Variants in DCP2 observed in about 807,000 individuals in gnomAD.
DCP2 encodes the protein decapping mRNA 2.
DCP2 carries 30 observed loss-of-function variants against 56.1 expected under a neutral mutation model. That is an observed-to-expected ratio of 0.53 (90% CI 0.40 to 0.73). DCP2 has a LOEUF of 0.73. DCP2 is among the 30% of genes least tolerant of loss of function. DCP2 has a pLI of 0.00. For synonymous variants in DCP2, 197 were observed against 163.3 expected (o/e 1.21, Z -1.57); for missense variants, 533 against 502.7 (o/e 1.06, Z -0.58).
At chr5:113,003,071 A>G (rs959722897) in intron 7 of DCP2, among the ~76,000 whole-genome samples, 1 of 152,208 alleles carries the variant, frequency 6.6e-6, no homozygotes, top group African/African-American at 2.4e-5. Context: ...AATCAGTAGC[A>G]TTCCATTTTA....
chr5:113,010,626 A>T lies in DCP2; in HGVS notation c.1048-130A>T, dbSNP rs766830190. On this transcript the variant is annotated intron_variant, in intron 9 of 10. Coordinates refer to ENST00000389063, the MANE Select transcript of DCP2 (RefSeq NM_152624.6). ...AAAATACTGGTGAGAGAATGGGATG[A>T]TGATTATATTCCTGGTTCAGTTTTT... 29 of 1,072,910 alleles carry T rather than the reference A, an allele frequency of 2.7e-5. 1 individual carries two copies. 66.5% of individuals were successfully genotyped at this position (1,072,910 alleles called of 1,614,324 possible).
chr5:112,987,386 A>G (rs893350916), intron 2 of DCP2, among the ~76,000 whole-genome samples: 6 of 152,212 alleles, frequency 3.9e-5, no homozygotes, highest in Admixed American at 2.6e-4. Flanking sequence ...TTGGAAAGTC[A>G]TATGAGGTGA....
intron 2 of DCP2, among the ~76,000 whole-genome samples, chr5:112,986,890 C>T (rs1202298433): frequency 1.3e-5 from 2 of 152,142 alleles, no homozygotes; most frequent in Non-Finnish European, 2.9e-5. Flanking sequence ...ATGGTCCCAT[C>T]TGCTCGGGAG....
At chr5:112,993,187 C>T (rs991393776) in intron 4 of DCP2, among the ~76,000 whole-genome samples, 1 of 152,204 alleles carries the variant, frequency 6.6e-6, no homozygotes, top group Admixed American at 6.5e-5. Context: ...AGGCTTTCCA[C>T]TGCCTATAGG....
rs570566903 is a variant in DCP2, at chr5:112,988,891, A to C, written c.205+2905A>C. 3.3e-5 allele frequency among the ~76,000 whole-genome samples: 5 copies of C among 152,304 alleles called. No homozygotes were observed. The East Asian group carries it at 9.6e-4, about 29-fold the overall frequency. On this transcript the variant is annotated intron_variant, in intron 2 of 10. Coordinates refer to ENST00000389063, the MANE Select transcript of DCP2 (RefSeq NM_152624.6). ...AACTTTACATACTTTAGGGTTTTGG[A>C]TAACATTTTGTGTGTGTTTGCACAT...
chr5:113,012,040 C>T (rs1376236088), intron 10 of DCP2, among the ~76,000 whole-genome samples: 1 of 152,056 alleles, frequency 6.6e-6, no homozygotes, highest in Non-Finnish European at 1.5e-5. Context: ...TTCTGGCCAC[C>T]TTGGGTGGTG....
At chr5:112,988,914 C>T (rs1231487180) in intron 2 of DCP2, among the ~76,000 whole-genome samples, 1 of 152,178 alleles carries the variant, frequency 6.6e-6, no homozygotes, top group East Asian at 1.9e-4. Context: ...TGTGTTTGCA[C>T]ATGAGTTTTA....
intron 1 of DCP2, among the ~76,000 whole-genome samples, chr5:112,981,102 G>A (rs1747983207): frequency 6.6e-6 from 1 of 151,872 alleles, no homozygotes; most frequent in Non-Finnish European, 1.5e-5. Context: ...TCCAACTCCT[G>A]GACTCAAGCT....
At chr5:112,986,961 C>G (rs562075276) in intron 2 of DCP2, among the ~76,000 whole-genome samples, 1 of 152,266 alleles carries the variant, frequency 6.6e-6, no homozygotes, top group African/African-American at 2.4e-5. Context: ...TGAGATGGCA[C>G]CACTGCACTC....
chr5:112,995,685 T>C (rs72801289), intron 4 of DCP2, among the ~76,000 whole-genome samples: 10,169 of 152,268 alleles, frequency 0.067, 464 homozygotes, highest in Non-Finnish European at 0.1. Flanking sequence ...TATAGCTGAC[T>C]AAGGAACTTT....
intron 2 of DCP2, among the ~76,000 whole-genome samples, chr5:112,988,268 G>A (rs1383712439): frequency 6.6e-6 from 1 of 150,978 alleles, no homozygotes; most frequent in Non-Finnish European, 1.5e-5. Flanking sequence ...GGATCACTAA[G>A]TCAGGAGATC....
rs949743789 is a variant in DCP2 at position 113,004,808 on chromosome 5, CT to C, written c.942+746del. On this transcript the variant is annotated intron_variant, in intron 8 of 10. Coordinates refer to ENST00000389063, the MANE Select transcript of DCP2 (RefSeq NM_152624.6). ...TTTTTAATTTCAGGTTTCAATGTTA[CT>C]TTTTTTTTTTTTTTATTTTAAAAAT... 1.1e-3 allele frequency among the ~76,000 whole-genome samples: 159 copies of C among 145,044 alleles called. 1 individual carries two copies. Among genetic ancestry groups the C allele is most frequent in the Middle Eastern group, 3.5e-3 (1 of 286 alleles).
In DCP2 at chr5:113,011,911, T is replaced by A. The variant is rs182729392; in HGVS notation, c.1099+1104T>A. On this transcript the variant is annotated intron_variant, in intron 10 of 10. Transcript: ENST00000389063. The stretch of plus-strand genomic sequence containing the variant: ...GTCTGGTATATGATAAGGATCCAGT[T>A]CTTTTGCATGTGGATATCCAGTTTT... Among the ~76,000 whole-genome samples the A allele has an allele frequency of 2.6e-5, 4 of 152,328 alleles. No homozygotes were observed. In the East Asian group the frequency reaches 7.7e-4, roughly 29 times the overall value.
chr5:113,013,026 G>C (rs1325080279), intron 10 of DCP2, among the ~76,000 whole-genome samples: 1 of 152,168 alleles, frequency 6.6e-6, no homozygotes, highest in Non-Finnish European at 1.5e-5. Context: ...CATAAAATAG[G>C]TAAAGCACAT....
chr5:113,009,094 C>T lies in DCP2; in HGVS notation c.1047+1052C>T, dbSNP rs190293281. Among the ~76,000 whole-genome samples, 849 of 152,314 alleles carry T rather than the reference C, an allele frequency of 5.6e-3. 18 individuals are homozygous for T. The highest frequency in any genetic ancestry group is 5.9e-3 in the Non-Finnish European group (402 of 68,018). On this transcript the variant is annotated intron_variant, in intron 9 of 10. Coordinates refer to ENST00000389063, the MANE Select transcript of DCP2 (RefSeq NM_152624.6). ...TCTCCAGACCTCGTGATCCACCTGC[C>T]TCTGCCTCCCAAAGTGCTGGGATTA...
chr5:112,994,163 CTTTTTTTTTTTTTTT>C (rs771514208), intron 4 of DCP2, among the ~76,000 whole-genome samples: 1 of 75,180 alleles, frequency 1.3e-5, no homozygotes, highest in African/African-American at 5.2e-5. Flanking sequence ...TTTTTTCTTT[CTTTTTTTTTTTTTTT>C]TTTTTTTTTT....
At chr5:112,987,504 G>T (rs1016177110) in intron 2 of DCP2, among the ~76,000 whole-genome samples, 3 of 151,878 alleles carry the variant, frequency 2.0e-5, no homozygotes, top group Non-Finnish European at 4.4e-5. Flanking sequence ...CCAGGCTGGA[G>T]TGTGGTGGTG....
In DCP2 at chr5:113,001,221, T is replaced by C. The variant is rs1330082115; in HGVS notation, c.570T>C (p.Thr190=). ...AAGACACAAAATTTAACCCAAAAAC[T>C]AGAAGAGAAATTCGGGTATGTAACA... ...IPKDTKFNPK[T]RREIRNIEWF... The change falls in exon 5 of 11, where the codon ACT becomes ACC. Residue 190 remains threonine (T), a synonymous_variant. Transcript: ENST00000389063. The C allele has an allele frequency of 2.5e-6, 4 of 1,613,086 alleles. No homozygotes were observed. The highest frequency in any genetic ancestry group is 3.4e-6 in the Non-Finnish European group (4 of 1,179,734).
chr5:112,985,869 G>T lies in DCP2; in HGVS notation c.88G>T (p.Asp30Tyr). ...FILHIPSEER[D>Y]NAIRVCFQIE... Reference sequence around the variant, plus strand: ...TTTGCATATTCCCAGCGAGGAAAGAGACAATGCAATCCGAGTGTGTTTTCA... The same window carrying T: ...TTTGCATATTCCCAGCGAGGAAAGATACAATGCAATCCGAGTGTGTTTTCA... The change falls in exon 2 of 11, where the codon GAC becomes TAC. Residue 30 changes from aspartate (D) to tyrosine (Y), a missense_variant. Asp to Tyr is a radical substitution (Grantham distance 160). This residue lies in a region of DCP2 where 137 missense variants were observed against 138.2 expected (regional missense o/e 0.99). Transcript: ENST00000389063. The T allele has an allele frequency of 6.2e-7, 1 of 1,609,122 alleles. No homozygotes were observed. The highest frequency in any genetic ancestry group is 8.5e-7 in the Non-Finnish European group (1 of 1,175,812).
Sources: allele counts gnomAD v4.1 joint callset (sites outside exome capture counted in the v4.1 genomes callset), GRCh38; gene constraint gnomAD v4.1.1; regional missense constraint gnomAD v4.1.1; transcripts MANE v1.5; gene names NCBI Gene and HGNC (gene_info 2026-07-23, HGNC 2026-07-21).